The following FCHSD2 variants were observed in gnomAD, a reference collection of about 807,000 sequenced individuals.
FCHSD2 encodes the protein F-BAR and double SH3 domains protein 2.
FCHSD2 carries 38 observed loss-of-function variants against 108.1 expected under a neutral mutation model. The observed-to-expected ratio is 0.35, with a 90% CI of 0.27 to 0.46. FCHSD2 has a LOEUF of 0.46. Among genes scored for constraint, FCHSD2 ranks in the 20% least tolerant of loss-of-function variants. The pLI, the probability that FCHSD2 is intolerant of heterozygous loss-of-function variation, is 1.00. For missense variants in FCHSD2, 751 were observed against 897.8 expected (o/e 0.84, Z 2.09); for synonymous variants, 279 against 314.7 (o/e 0.89, Z 1.20).
At chr11:73,083,632 T>C (rs1196599332) in intron 3 of FCHSD2, 63 bp downstream of exon 3, 3 of 994,304 alleles carry the variant, frequency 3.0e-6, no homozygotes, top group Non-Finnish European at 3.1e-6. Flanking sequence ...CCAAAAACCA[T>C]CTCTGTCCTT....
chr11:72,858,873 G>A (rs913572686), intron 13 of FCHSD2, among the ~76,000 whole-genome samples: 1 of 152,166 alleles, frequency 6.6e-6, no homozygotes, highest in Non-Finnish European at 1.5e-5. Flanking sequence ...AGAAACAACT[G>A]AAAAACTGTT....
At chr11:72,936,721 C>A (rs1313396546) in intron 8 of FCHSD2, among the ~76,000 whole-genome samples, 1 of 152,188 alleles carries the variant, frequency 6.6e-6, no homozygotes, top group Non-Finnish European at 1.5e-5. Flanking sequence ...TATAGTATAT[C>A]TTTACTTCAG....
intron 2 of FCHSD2, among the ~76,000 whole-genome samples, chr11:73,124,005 C>T (rs780296715): frequency 6.6e-6 from 1 of 152,162 alleles, no homozygotes; most frequent in Non-Finnish European, 1.5e-5. Flanking sequence ...CTGCATATGG[C>T]AACCCAAATG....
intron 2 of FCHSD2, among the ~76,000 whole-genome samples, chr11:73,098,248 T>C (rs998487459): frequency 1.3e-5 from 2 of 152,200 alleles, no homozygotes; most frequent in Admixed American, 6.5e-5. Context: ...TGGTATTGTA[T>C]ATTTTTGTTC....
In FCHSD2 at chr11:72,867,878, C is replaced by G. The variant is rs1450791981; in HGVS notation, c.1295G>C (p.Gly432Ala). 3 of 1,612,036 alleles carry G rather than the reference C, an allele frequency of 1.9e-6. No homozygotes were observed. The highest frequency in any genetic ancestry group is 2.5e-6 in the Non-Finnish European group (3 of 1,179,172). ...WARPPAVTSN[G>A]TLHSLNADTE... ...AAGAAATCGTACCGAGTGTAAAGTG[C>G]CATTACTGGTCACTGCAGGAGGGCG... Residue 432 changes from glycine (G) to alanine (A), a missense_variant, in exon 13 of 20, where the codon GGC becomes GCC. Coordinates refer to ENST00000409418, the MANE Select transcript of FCHSD2 (RefSeq NM_014824.3).
chr11:73,128,416 T>C (rs1860910053), intron 2 of FCHSD2, among the ~76,000 whole-genome samples: 1 of 152,178 alleles, frequency 6.6e-6, no homozygotes, highest in Non-Finnish European at 1.5e-5. Flanking sequence ...GGCAAGGACC[T>C]ACCTCCAAGA....
At chr11:73,111,950 A>T (rs1860496581) in intron 2 of FCHSD2, among the ~76,000 whole-genome samples, 1 of 152,014 alleles carries the variant, frequency 6.6e-6, no homozygotes, top group Non-Finnish European at 1.5e-5. Context: ...ATTATACTGG[A>T]TATGTCTTTA....
At chr11:73,013,053 A>C (rs1857895012) in intron 4 of FCHSD2, among the ~76,000 whole-genome samples, 1 of 152,208 alleles carries the variant, frequency 6.6e-6, no homozygotes. Flanking sequence ...AGTAAAGATG[A>C]TAATATGATT....
At chr11:73,082,627 T>C (rs1859723047) in intron 3 of FCHSD2, among the ~76,000 whole-genome samples, 1 of 152,146 alleles carries the variant, frequency 6.6e-6, no homozygotes, top group Admixed American at 6.6e-5. Flanking sequence ...TCTCTCATTA[T>C]TTATAATGAG....
At chr11:73,106,714 C>G (rs79959847) in intron 2 of FCHSD2, among the ~76,000 whole-genome samples, 2 of 152,008 alleles carry the variant, frequency 1.3e-5, no homozygotes, top group East Asian at 3.9e-4. Context: ...GTTTTTTCTA[C>G]GTTCAGAATC....
chr11:72,907,619 T>TC (rs1555052084), intron 9 of FCHSD2, among the ~76,000 whole-genome samples: 8 of 149,860 alleles, frequency 5.3e-5, no homozygotes, highest in Non-Finnish European at 7.4e-5. Flanking sequence ...TTTTTTTTTT[T>TC]CTTGAGACGG....
intron 4 of FCHSD2, among the ~76,000 whole-genome samples, chr11:73,010,523 T>A (rs1857839431): frequency 6.6e-6 from 1 of 152,234 alleles, no homozygotes; most frequent in Non-Finnish European, 1.5e-5. Flanking sequence ...CTTCTTCCAG[T>A]TTTTTGAATT....
At chr11:72,974,521 C>A (rs1280414889) in intron 8 of FCHSD2, among the ~76,000 whole-genome samples, 3 of 152,158 alleles carry the variant, frequency 2.0e-5, no homozygotes, top group African/African-American at 7.2e-5. Context: ...TAGAGCACTG[C>A]TGTTCAACAG....
intron 10 of FCHSD2, among the ~76,000 whole-genome samples, chr11:72,897,680 T>C (rs1000549086): frequency 3.9e-5 from 6 of 152,176 alleles, no homozygotes; most frequent in Non-Finnish European, 8.8e-5. Flanking sequence ...CCCAAACCCA[T>C]GTTTTCTCCA....
intron 2 of FCHSD2, among the ~76,000 whole-genome samples, chr11:73,125,708 A>T (rs1302447495): frequency 1.3e-5 from 2 of 152,166 alleles, no homozygotes; most frequent in Non-Finnish European, 2.9e-5. Flanking sequence ...CTCAAGACAA[A>T]AAAAAACACA....
intron 12 of FCHSD2, among the ~76,000 whole-genome samples, chr11:72,883,799 G>GACTCC (rs1472964536): frequency 6.6e-6 from 1 of 152,070 alleles, no homozygotes; most frequent in Non-Finnish European, 1.5e-5. Flanking sequence ...AGGCATGGTG[G>GACTCC]AGTGCGCCTG....
chr11:72,853,657 C>T (rs1861351009), intron 13 of FCHSD2, among the ~76,000 whole-genome samples: 1 of 151,900 alleles, frequency 6.6e-6, no homozygotes. Context: ...TCAGGCAATC[C>T]CCCCACCTCA....
intron 12 of FCHSD2, among the ~76,000 whole-genome samples, chr11:72,881,864 G>A (rs558205382): frequency 1.3e-4 from 20 of 152,206 alleles, no homozygotes; most frequent in African/African-American, 2.9e-4. Context: ...GGCTGGGGCC[G>A]GGTGCGGTGG....
At chr11:72,950,728 T>C (rs1856605736) in intron 8 of FCHSD2, among the ~76,000 whole-genome samples, 1 of 152,252 alleles carries the variant, frequency 6.6e-6, no homozygotes, top group African/African-American at 2.4e-5. Flanking sequence ...TTTTCATTTA[T>C]AAGAATACTT....
Sources: allele counts gnomAD v4.1 joint callset (sites outside exome capture counted in the v4.1 genomes callset), GRCh38; gene constraint gnomAD v4.1.1; transcripts MANE v1.5; gene names NCBI Gene and HGNC (gene_info 2026-07-23, HGNC 2026-07-21).